The following PMM2 variants were observed in gnomAD, a reference collection of about 807,000 sequenced individuals.
PMM2 encodes mannose-6-phosphate isomerase.
PMM2 carries 35 observed loss-of-function variants against 33.2 expected under a neutral mutation model. That is an observed-to-expected ratio of 1.06 (90% CI 0.81 to 1.40). PMM2 has a LOEUF of 1.40. Among genes scored for constraint, PMM2 ranks in the 40% most tolerant of loss-of-function variants. The pLI, the probability that PMM2 is intolerant of heterozygous loss-of-function variation, is 0.00. For synonymous variants in PMM2, 153 were observed against 114.7 expected (o/e 1.33, Z -2.13); for missense variants, 386 against 306.0 (o/e 1.26, Z -1.95).
At position 8,847,286 on chromosome 16, in the gene PMM2, C is replaced by T. The variant is rs1036477912; in HGVS notation, c.640-438C>T. Among the ~76,000 whole-genome samples the T allele has an allele frequency of 4.6e-5, 7 of 152,128 alleles. No individual in the cohort carries two copies. In the East Asian group the frequency reaches 1.4e-3, roughly 29 times the overall value. On this transcript the variant is annotated intron_variant, in intron 7 of 7. Transcript: ENST00000268261. ...CATCACCGCTGATGTCGCCACGTCC[C>T]TCATCACAGGAATATCCCTGGCAGC... is the stretch of plus-strand genomic sequence containing the variant.
intron 7 of PMM2, among the ~76,000 whole-genome samples, chr16:8,834,470 C>G (rs180707754): frequency 1.3e-5 from 2 of 151,714 alleles, no homozygotes; most frequent in Non-Finnish European, 2.9e-5. Context: ...CTCTACTTAT[C>G]TAGTGAAAGT....
intron 4 of PMM2, chr16:8,806,680 G>T: frequency 4.0e-6 from 2 of 498,174 alleles, no homozygotes; most frequent in South Asian, 4.2e-5. Context: ...CCGAATCCCA[G>T]CACTTAGTAA....
At chr16:8,823,175 AGTT>A in intron 7 of PMM2, among the ~76,000 whole-genome samples, 1 of 152,318 alleles carries the variant, frequency 6.6e-6, no homozygotes, top group African/African-American at 2.4e-5. Context: ...AGGCATCTTT[AGTT>A]ATAGAGGAGG....
chr16:8,837,589 G>A (rs544972509), intron 7 of PMM2, among the ~76,000 whole-genome samples: 1 of 151,960 alleles, frequency 6.6e-6, no homozygotes, highest in Admixed American at 6.6e-5. Flanking sequence ...AAGGGATTGG[G>A]GCACAGAGAT....
intron 7 of PMM2, among the ~76,000 whole-genome samples, chr16:8,846,612 C>G (rs142592080): frequency 6.6e-6 from 1 of 152,060 alleles, no homozygotes; most frequent in Non-Finnish European, 1.5e-5. Flanking sequence ...ATGCCCAGGT[C>G]CTCCTAGACA....
intron 7 of PMM2, among the ~76,000 whole-genome samples, chr16:8,819,281 G>T (rs1162913979): frequency 6.6e-6 from 1 of 152,136 alleles, no homozygotes; most frequent in Non-Finnish European, 1.5e-5. Flanking sequence ...CCATCTCTAG[G>T]GCTTTTTGTT....
intron 7 of PMM2, chr16:8,832,577 C>T (rs1193284973): frequency 1.0e-6 from 1 of 985,214 alleles, no homozygotes; most frequent in Non-Finnish European, 1.2e-6. Flanking sequence ...CTTTTTGCTT[C>T]AGGGGTCTCT....
chr16:8,843,922 A>C (rs2060907094), intron 7 of PMM2, among the ~76,000 whole-genome samples: 1 of 152,180 alleles, frequency 6.6e-6, no homozygotes, highest in Non-Finnish European at 1.5e-5. Context: ...AGACTCAGCA[A>C]CGCTTGGGGT....
chr16:8,816,287 C>G (rs990247631), intron 7 of PMM2, among the ~76,000 whole-genome samples: 2 of 151,958 alleles, frequency 1.3e-5, no homozygotes, highest in Admixed American at 6.6e-5. Context: ...CCACCATGCC[C>G]AGCTAATTTT....
chr16:8,832,941 G>C, intron 7 of PMM2: 1 of 985,252 alleles, frequency 1.0e-6, no homozygotes. Flanking sequence ...AGGCGCCCAA[G>C]AGCTGTCTGT....
rs1043687585 is a variant in PMM2 at position 8,832,098 on chromosome 16, G to T, written c.640-15626G>T. On this transcript the variant is annotated intron_variant, in intron 7 of 7. Transcript: ENST00000268261. ...CCAGCTTTCCTTTCATTTCATTTGG[G>T]GTCCGCTTCACTTGCTTTGCAGCTA... is the stretch of plus-strand genomic sequence containing the variant. 2.0e-5 allele frequency: 19 copies of T among 971,946 alleles called. 1 individual carries two copies. The African/African-American group carries it at 3.2e-4, about 16-fold the overall frequency. The allele number at this position is 971,946 out of a possible 1,614,324, so 60.2% of individuals were successfully genotyped here.
chr16:8,797,996 T>G (rs940154792), intron 1 of PMM2, 48 bp downstream of exon 1: 1 of 1,546,984 alleles, frequency 6.5e-7, no homozygotes, highest in Non-Finnish European at 8.8e-7. Flanking sequence ...GAGCCCGTGC[T>G]GTTCCCAGTT....
intron 1 of PMM2, among the ~76,000 whole-genome samples, chr16:8,798,966 C>G (rs2060595531): frequency 6.6e-6 from 1 of 152,178 alleles, no homozygotes; most frequent in African/African-American, 2.4e-5. Flanking sequence ...CGCTCAACTC[C>G]CAAGTTCTTC....
chr16:8,811,227 A>T, intron 5 of PMM2, 49 bp downstream of exon 5: 1 of 1,207,442 alleles, frequency 8.3e-7, no homozygotes, highest in Admixed American at 2.0e-5. Context: ...TTATGGAAAT[A>T]AGATATGGCC....
intron 7 of PMM2, among the ~76,000 whole-genome samples, chr16:8,846,410 A>G (rs1169159517): frequency 6.6e-6 from 1 of 151,972 alleles, no homozygotes; most frequent in Non-Finnish European, 1.5e-5. Flanking sequence ...TAAGGTTTTG[A>G]GTTAGAGTGA....
intron 7 of PMM2, among the ~76,000 whole-genome samples, chr16:8,831,810 G>T (rs751363500): frequency 6.6e-6 from 1 of 152,118 alleles, no homozygotes; most frequent in Non-Finnish European, 1.5e-5. Flanking sequence ...CAGACTTTGG[G>T]ACTATTAGGG....
At chr16:8,820,349 TTC>T (rs1318318902) in intron 7 of PMM2, among the ~76,000 whole-genome samples, 5 of 132,360 alleles carry the variant, frequency 3.8e-5, no homozygotes, top group Non-Finnish European at 6.6e-5. Flanking sequence ...GACACAGTTC[TTC>T]TTTTTTTTTT....
chr16:8,846,486 C>T lies in PMM2; in HGVS notation c.640-1238C>T, dbSNP rs183944931. ...AAAACGGGGGCTTTCCTGCAGGGCT[C>T]GGGGTTGCGGGAGCGGCAGATAACC... On this transcript the variant is annotated intron_variant, in intron 7 of 7. Transcript: ENST00000268261. 4.1e-3 allele frequency among the ~76,000 whole-genome samples: 625 copies of T among 151,990 alleles called. 5 individuals carry two copies. The highest frequency in any genetic ancestry group is 0.014 in the African/African-American group (572 of 41,454).
intron 7 of PMM2, among the ~76,000 whole-genome samples, chr16:8,830,660 A>G (rs1413858375): frequency 6.6e-6 from 1 of 152,152 alleles, no homozygotes; most frequent in African/African-American, 2.4e-5. Context: ...TGATCTTAGG[A>G]TTTACAAGCG....
Sources: gnomAD v4.1 joint callset for allele counts (sites outside exome capture counted in the v4.1 genomes callset) on GRCh38, gnomAD v4.1.1 for gene constraint, MANE v1.5 for transcripts, NCBI Gene and HGNC (gene_info 2026-07-23, HGNC 2026-07-21) for gene names.